SYT14: variants seen among roughly 807,000 people sequenced by gnomAD.
The protein encoded by SYT14 is synaptotagmin 14.
In SYT14, 32 loss-of-function variants were observed where a neutral mutation model predicts 74.2. The observed-to-expected ratio is 0.43, with a 90% CI of 0.33 to 0.58. The LOEUF is 0.58. Among genes scored for constraint, SYT14 ranks in the 20% least tolerant of loss-of-function variants. The pLI is 0.05. For synonymous variants in SYT14, 298 were observed against 337.7 expected (o/e 0.88, Z 1.29); for missense variants, 791 against 981.8 (o/e 0.81, Z 2.60).
chr1:210,050,286 A>C (rs748375780), intron 5 of SYT14, among the ~76,000 whole-genome samples: 1 of 152,228 alleles, frequency 6.6e-6, no homozygotes, highest in Non-Finnish European at 1.5e-5. Flanking sequence ...TTGCTAAAAC[A>C]TAACAAGAGT....
At chr1:209,994,724 T>TA (rs1269348131) in intron 2 of SYT14, among the ~76,000 whole-genome samples, 1 of 152,098 alleles carries the variant, frequency 6.6e-6, no homozygotes, top group Admixed American at 6.5e-5. Context: ...GAAAAAATCT[T>TA]AAAGGCAGCT....
intron 2 of SYT14, chr1:209,953,016 A>G (rs2078936391): frequency 1.4e-6 from 2 of 1,422,036 alleles, no homozygotes; most frequent in Non-Finnish European, 1.9e-6. Context: ...CATGGTGAAG[A>G]GGCAAAGAAT....
chr1:209,977,471 A>G (rs1178486012), intron 2 of SYT14, among the ~76,000 whole-genome samples: 1 of 152,080 alleles, frequency 6.6e-6, no homozygotes, highest in East Asian at 1.9e-4. Context: ...ATGAAGCTTA[A>G]TTTGGCTGGA....
At chr1:210,159,509 T>A (rs1558230244) in intron 9 of SYT14, 32 bp downstream of exon 8, 1 of 1,548,470 alleles carries the variant, frequency 6.5e-7, no homozygotes, top group Non-Finnish European at 8.7e-7. Context: ...TTGGATGTTG[T>A]CTTTTCATGC....
chr1:210,069,955 A>G (rs2081363530), intron 5 of SYT14, among the ~76,000 whole-genome samples: 1 of 151,998 alleles, frequency 6.6e-6, no homozygotes, highest in Non-Finnish European at 1.5e-5. Flanking sequence ...GAACAGCTTT[A>G]GGAATTTAGA....
At chr1:210,054,235 T>TA (rs907878830) in intron 5 of SYT14, among the ~76,000 whole-genome samples, 19 of 151,630 alleles carry the variant, frequency 1.3e-4, no homozygotes, top group South Asian at 4.2e-4. Flanking sequence ...TCTTAAGATG[T>TA]AAAAAAAAAT....
intron 1 of SYT14, among the ~76,000 whole-genome samples, chr1:209,938,482 C>T (rs918171763): frequency 6.6e-6 from 1 of 151,844 alleles, no homozygotes; most frequent in Non-Finnish European, 1.5e-5. Context: ...CTGGCTCGCT[C>T]GCCCCGGCCT....
intron 2 of SYT14, among the ~76,000 whole-genome samples, chr1:209,975,590 G>T (rs964075598): frequency 1.3e-5 from 2 of 152,182 alleles, no homozygotes; most frequent in Non-Finnish European, 2.9e-5. Flanking sequence ...TTGATATGCT[G>T]CTGGATTCGG....
At chr1:210,146,499 G>A (rs2083038289) in intron 7 of SYT14, among the ~76,000 whole-genome samples, 1 of 152,142 alleles carries the variant, frequency 6.6e-6, no homozygotes, top group African/African-American at 2.4e-5. Context: ...AATGGATACT[G>A]TTGGTTTTCT....
chr1:209,966,158 C>T (rs2102733232), intron 2 of SYT14: 1 of 294,902 alleles, frequency 3.4e-6, no homozygotes, highest in East Asian at 8.8e-5. Context: ...GCATGAGCCA[C>T]CGCGCCCGTT....
chr1:209,986,607 C>T (rs543318776), intron 2 of SYT14, among the ~76,000 whole-genome samples: 1 of 148,868 alleles, frequency 6.7e-6, no homozygotes, highest in Non-Finnish European at 1.5e-5. Context: ...CATGAGACTC[C>T]GTCTCAAAAA....
At chr1:210,016,633 G>A in exon 4 of SYT14, 5 of 1,231,780 alleles carry the variant, frequency 4.1e-6, no homozygotes, top group Non-Finnish European at 5.1e-6. Context: ...TAAACAAATT[G>A]TATGAGCAAA....
At chr1:210,115,232 G>A (rs1053050156) in intron 7 of SYT14, among the ~76,000 whole-genome samples, 3 of 151,366 alleles carry the variant, frequency 2.0e-5, no homozygotes, top group Non-Finnish European at 4.4e-5. Context: ...GTGAGTTGAA[G>A]AGGTTTTAAG....
chr1:210,099,864 G>A (rs901547737), intron 6 of SYT14, 148 bp from the exon 6 acceptor site: 2 of 762,038 alleles, frequency 2.6e-6, no homozygotes, highest in East Asian at 2.7e-5. Flanking sequence ...GGTAGCTTTT[G>A]GTTGTAGTTG....
intron 5 of SYT14, among the ~76,000 whole-genome samples, chr1:210,051,318 G>T (rs2080991300): frequency 6.6e-6 from 1 of 152,136 alleles, no homozygotes; most frequent in Non-Finnish European, 1.5e-5. Flanking sequence ...AGTATACTGT[G>T]TTCAAAAGTT....
exon 10 of SYT14, chr1:210,165,636 A>G (rs1196965769): frequency 6.6e-6 from 1 of 152,100 alleles, no homozygotes; most frequent in Non-Finnish European, 1.5e-5. Context: ...CTCTCATTGC[A>G]ATTTATTTAT....
At chr1:209,997,664 G>A (rs2079823197) in intron 2 of SYT14, among the ~76,000 whole-genome samples, 1 of 151,974 alleles carries the variant, frequency 6.6e-6, no homozygotes, top group Non-Finnish European at 1.5e-5. Flanking sequence ...ATAAATATGA[G>A]AACAGTGGAC....
intron 2 of SYT14, among the ~76,000 whole-genome samples, chr1:209,963,333 A>G (rs982573227): frequency 6.6e-6 from 1 of 152,190 alleles, no homozygotes; most frequent in African/African-American, 2.4e-5. Context: ...TCCAGGTATT[A>G]TACAAAATGT....
intron 5 of SYT14, among the ~76,000 whole-genome samples, chr1:210,030,534 A>G (rs1205341187): frequency 1.3e-5 from 2 of 152,120 alleles, no homozygotes; most frequent in Non-Finnish European, 2.9e-5. Context: ...ATAATCTGTG[A>G]GCAGAGATAA....
Sources: allele counts gnomAD v4.1 joint callset (sites outside exome capture counted in the v4.1 genomes callset), GRCh38; gene constraint gnomAD v4.1.1; transcripts MANE v1.5; gene names NCBI Gene and HGNC (gene_info 2026-07-23, HGNC 2026-07-21).